Variants in CLCN6 observed in about 807,000 individuals in gnomAD.
CLCN6 encodes Cl-/H+ antiporter 6.
Under a neutral mutation model 109.8 loss-of-function variants are expected in CLCN6, and 70 were observed. The observed-to-expected ratio is 0.64, with a 90% confidence interval of 0.53 to 0.78. The LOEUF (loss-of-function observed/expected upper bound fraction) is 0.78, where lower values mean the gene tolerates loss of function less well. Ranked by LOEUF, CLCN6 falls within the 30% of genes least tolerant of loss-of-function variation. The pLI is 0.00. For synonymous variants in CLCN6, 444 were observed against 447.8 expected (o/e 0.99, Z 0.11); for missense variants, 984 against 1,142.3 (o/e 0.86, Z 2.00).
At chr1:11,836,181 C>T in intron 18 of CLCN6, 28 bp downstream of exon 18, 1 of 1,599,586 alleles carries the variant, frequency 6.3e-7, no homozygotes, top group Non-Finnish European at 8.5e-7. Context: ...AGAGGAAAGG[C>T]AGGTGAGAGA....
intron 18 of CLCN6, among the ~76,000 whole-genome samples, chr1:11,836,666 C>A (rs951680081): frequency 3.3e-5 from 5 of 152,252 alleles, no homozygotes; most frequent in Admixed American, 3.3e-4. Context: ...TATCCTGTTG[C>A]CTCACTTGGG....
Position 11,815,880 on chromosome 1 carries a change from AC to A in CLCN6, c.184del (p.Leu62TrpfsTer18). The A allele has an allele frequency of 6.2e-7, 1 of 1,613,874 alleles. No homozygotes were observed. Among genetic ancestry groups the A allele is most frequent in the Non-Finnish European group, 8.5e-7 (1 of 1,179,796 alleles). ...LDYDRCINDPYLEVLETMDNK... is the reference protein window; with the variant it reads ...LDYDRCINDPXLEVLETMDNK... The stretch of plus-strand genomic sequence containing the variant: ...TATGATCGCTGTATCAATGACCCTT[AC>A]CTGGAAGTTTTGGAGACCATGGATA... On this transcript the variant is annotated frameshift_variant, in exon 3 of 23. Transcript: ENST00000346436. LOFTEE classifies it high-confidence loss of function.
chr1:11,828,632 C>T lies in CLCN6; in HGVS notation c.1121+8C>T. On this transcript the variant is annotated splice_region_variant and intron_variant, in intron 12 of 22. Coordinates refer to ENST00000346436, the MANE Select transcript of CLCN6 (RefSeq NM_001286.5). ...GAAACCTAAGCTCGTCAGGTATCTG[C>T]ACAGTCGCCTCCCCCCCGAGCCTGC... The T allele has an allele frequency of 6.3e-7, 1 of 1,592,318 alleles. No individual in the cohort carries two copies. The highest frequency in any genetic ancestry group is 8.6e-7 in the Non-Finnish European group (1 of 1,168,566).
chr1:11,811,111 C>T (rs1644592850), intron 2 of CLCN6, among the ~76,000 whole-genome samples: 1 of 151,710 alleles, frequency 6.6e-6, no homozygotes, highest in African/African-American at 2.4e-5. Flanking sequence ...CTCAGGAGAT[C>T]GAAGCAGGTG....
rs1006388436 is a variant in CLCN6 at position 11,822,553 on chromosome 1, G to A, written c.347-142G>A. On this transcript the variant is annotated intron_variant, in intron 5 of 22. Coordinates refer to ENST00000346436, the MANE Select transcript of CLCN6 (RefSeq NM_001286.5). ...CCATTGCACCCAGTCATCTCAGGCAGTTTTTAAAAAATTTTTATATATAGA... is the reference window on the plus strand; with the variant it reads ...CCATTGCACCCAGTCATCTCAGGCAATTTTTAAAAAATTTTTATATATAGA... 1.6e-5 allele frequency: 9 copies of A among 554,680 alleles called. No homozygotes were observed. The African/African-American group carries it at 1.7e-4, about 10-fold the overall frequency. The allele number at this position is 554,680 out of a possible 1,614,324, so 34.4% of individuals were successfully genotyped here. A position where few individuals can be genotyped will look rare whatever the true frequency, so the allele number is the denominator to read the frequency against.
rs1644922879 is a variant in CLCN6 at position 11,834,664 on chromosome 1, G to C, written c.1793+74G>C. 2.4e-6 allele frequency: 3 copies of C among 1,270,722 alleles called. No homozygotes were observed. The African/African-American group carries it at 4.5e-5, about 19-fold the overall frequency. 78.7% of individuals were successfully genotyped at this position (1,270,722 alleles called of 1,614,324 possible). The stretch of plus-strand genomic sequence containing the variant: ...TGAGGCCTAAGGAATGTTGTTATTA[G>C]GGTAGGAAACAGTAACTCACTTTTC... On this transcript the variant is annotated intron_variant, in intron 17 of 22. Coordinates refer to ENST00000346436, the MANE Select transcript of CLCN6 (RefSeq NM_001286.5). The surrounding 1 kb of genome is among the most constrained non-coding windows in gnomAD (Gnocchi z 4.5).
intron 2 of CLCN6, among the ~76,000 whole-genome samples, chr1:11,812,949 A>G (rs1051388001): frequency 1.3e-5 from 2 of 152,136 alleles, no homozygotes; most frequent in Non-Finnish European, 1.5e-5. Flanking sequence ...AGACCAAACA[A>G]CATACCTAGA....
At chr1:11,807,910 C>G (rs1157417900) in intron 2 of CLCN6, among the ~76,000 whole-genome samples, 3 of 152,098 alleles carry the variant, frequency 2.0e-5, no homozygotes, top group East Asian at 1.9e-4. Context: ...CCCACTCACC[C>G]CCTTTATTAT....
chr1:11,823,014 C>CT (rs2100630534), intron 6 of CLCN6, among the ~76,000 whole-genome samples: 1 of 152,038 alleles, frequency 6.6e-6, no homozygotes, highest in South Asian at 2.1e-4. Flanking sequence ...TGTACAGATT[C>CT]TGGGGGGAGG....
intron 7 of CLCN6, among the ~76,000 whole-genome samples, 198 bp from the exon 8 acceptor site, chr1:11,824,288 A>G (rs1413164628): frequency 6.6e-6 from 1 of 152,200 alleles, no homozygotes; most frequent in East Asian, 1.9e-4. Flanking sequence ...GCTGACACAC[A>G]ATTTAGAATG....
Position 11,837,096 on chromosome 1 carries a change from A to C in CLCN6, c.2078A>C (p.His693Pro). 1 of 1,613,506 alleles carries C rather than the reference A, an allele frequency of 6.2e-7. No individual in the cohort carries two copies. The highest frequency in any genetic ancestry group is 8.5e-7 in the Non-Finnish European group (1 of 1,180,040). Residue 693 changes from histidine to proline, a missense_variant, in exon 19 of 23, where the codon CAC (histidine) becomes CCC (proline). By Grantham distance (77) the His-to-Pro change is moderately conservative. Coordinates refer to ENST00000346436, the MANE Select transcript of CLCN6 (RefSeq NM_001286.5). ...SSELRNMCDE[H>P]IASEEPAEKE... ...GAGCTACGGAACATGTGTGATGAGC[A>C]CATCGCCTCTGAGGAGCCAGCCGAG...
chr1:11,823,408 C>T (rs960561303), intron 6 of CLCN6, among the ~76,000 whole-genome samples: 2 of 151,412 alleles, frequency 1.3e-5, no homozygotes, highest in Middle Eastern at 3.2e-3. Flanking sequence ...ACCCAGAAGG[C>T]GGAGGTTGCA....
chr1:11,815,619 T>C (rs1207354549), intron 2 of CLCN6, among the ~76,000 whole-genome samples: 2 of 152,184 alleles, frequency 1.3e-5, no homozygotes, highest in East Asian at 3.8e-4. Flanking sequence ...GGTCTTGAAC[T>C]CCTGACCTCA....
Position 11,834,733 on chromosome 1 carries a change from G to A in CLCN6, c.1793+143G>A. On this transcript the variant is annotated intron_variant, in intron 17 of 22. Coordinates refer to ENST00000346436, the MANE Select transcript of CLCN6 (RefSeq NM_001286.5). This position sits in a 1 kb window ranked among gnomAD's most constrained non-coding sequence, Gnocchi z 4.5. ...CACACCCATTCCTGAGCATGTGTGA[G>A]AATGTGGAGCAGCCCATGGGCTGGG... The A allele has an allele frequency of 1.3e-6, 1 of 764,188 alleles. No individual in the cohort carries two copies. The highest frequency in any genetic ancestry group is 2.1e-6 in the Non-Finnish European group (1 of 466,320). The allele number at this position is 764,188 out of a possible 1,614,324, so 47.3% of individuals were successfully genotyped here. A position where few individuals can be genotyped will look rare whatever the true frequency, so the allele number is the denominator to read the frequency against.
At chr1:11,810,048 G>C (rs1644578500) in intron 2 of CLCN6, among the ~76,000 whole-genome samples, 1 of 152,162 alleles carries the variant, frequency 6.6e-6, no homozygotes, top group Non-Finnish European at 1.5e-5. Context: ...CGTGGGTAAG[G>C]ATGTAGAAGG....
rs115563697 is a variant in CLCN6, at chr1:11,834,084, G to A, written c.1526+54G>A. 8,329 of 1,602,136 alleles carry A rather than the reference G, an allele frequency of 5.2e-3. 94 individuals are homozygous for A. Among genetic ancestry groups the A allele is most frequent in the African/African-American group, 0.036 (2,720 of 74,574 alleles). ...CATGTGCATGTGTGTGCACGTGTGCGTGTGTATGCATGTGTGTGCGTGTGC... is the reference window on the plus strand; with the variant it reads ...CATGTGCATGTGTGTGCACGTGTGCATGTGTATGCATGTGTGTGCGTGTGC... On this transcript the variant is annotated intron_variant, in intron 15 of 22. Coordinates refer to ENST00000346436, the MANE Select transcript of CLCN6 (RefSeq NM_001286.5). This position sits in a 1 kb window ranked among gnomAD's most constrained non-coding sequence, Gnocchi z 4.5.
rs529049384 is a variant in CLCN6 at position 11,815,484 on chromosome 1, C to T, written c.148-362C>T. ...GATCTCGGCTCACCACAACCTCCAC[C>T]TCCCAGGTTCCAGTGATTCTCCTGC... On this transcript the variant is annotated intron_variant, in intron 2 of 22. Transcript: ENST00000346436. Among the ~76,000 whole-genome samples the T allele has an allele frequency of 1.3e-4, 20 of 152,254 alleles. 1 individual carries two copies. In the South Asian group the frequency reaches 3.9e-3, roughly 30 times the overall value.
chr1:11,821,028 A>G (rs982071125), intron 5 of CLCN6, among the ~76,000 whole-genome samples: 3 of 151,356 alleles, frequency 2.0e-5, no homozygotes, highest in Non-Finnish European at 4.4e-5. Flanking sequence ...GTGAGCCGAG[A>G]TCGCGCCATT....
chr1:11,823,812 G>C lies in CLCN6; in HGVS notation c.559G>C (p.Val187Leu), dbSNP rs778204669. The C allele has an allele frequency of 2.4e-5, 39 of 1,614,150 alleles. No homozygotes were observed. The highest frequency in any genetic ancestry group is 3.3e-5 in the Non-Finnish European group (39 of 1,180,044). The stretch of plus-strand genomic sequence containing the variant: ...GACCCTGCTCTGCAAGGTCCTTGGA[G>C]TGCTGTTCAGTGTGGCTGGAGGTAA... ...LRTLLCKVLG[V>L]LFSVAGGLFV... is the part of the protein sequence containing the mutation. Residue 187 changes from valine to leucine, a missense_variant, in exon 7 of 23, where the codon GTG (valine) becomes CTG (leucine). Val to Leu is a conservative substitution (Grantham distance 32). Coordinates refer to ENST00000346436, the MANE Select transcript of CLCN6 (RefSeq NM_001286.5).
Sources: gnomAD v4.1 joint callset for allele counts (sites outside exome capture counted in the v4.1 genomes callset) on GRCh38, gnomAD v4.1.1 for gene constraint, Gnocchi (gnomAD v3.1) non-coding constraint, MANE v1.5 for transcripts, NCBI Gene and HGNC (gene_info 2026-07-23, HGNC 2026-07-21) for gene names.